CHD6: variants seen among roughly 807,000 people sequenced by gnomAD.
CHD6 encodes chromodomain helicase DNA binding protein 6, also known as ATP-dependent chromatin remodeler CHD6.
Under a neutral mutation model 276.9 loss-of-function variants are expected in CHD6, and 50 were observed. That is an observed-to-expected ratio of 0.18 (90% CI 0.14 to 0.23). The LOEUF (loss-of-function observed/expected upper bound fraction) is 0.23, where lower values mean the gene tolerates loss of function less well. CHD6 is among the 10% of genes least tolerant of loss of function. CHD6 has a pLI of 1.00. For missense variants in CHD6, 2,564 were observed against 3,365.8 expected, an observed-to-expected ratio of 0.76 and a Z score of 5.89; for synonymous variants, 1,173 against 1,229.3, an observed-to-expected ratio of 0.95 and a Z score of 0.96.
intron 1 of CHD6, among the ~76,000 whole-genome samples, chr20:41,577,210 C>T (rs1055243212): frequency 6.6e-5 from 10 of 152,110 alleles, no homozygotes; most frequent in South Asian, 2.1e-4. Context: ...GACTTGTGGC[C>T]GCTATTTATC....
intron 23 of CHD6, among the ~76,000 whole-genome samples, chr20:41,449,455 T>C (rs542271235): frequency 6.6e-6 from 1 of 152,246 alleles, no homozygotes; most frequent in Non-Finnish European, 1.5e-5. Context: ...CGTCTAACAA[T>C]ATCTGCAGCA....
intron 1 of CHD6, among the ~76,000 whole-genome samples, chr20:41,578,882 T>C (rs963322728): frequency 6.7e-6 from 1 of 148,416 alleles, no homozygotes. Context: ...AAAAAAAATC[T>C]ACTTTGGGAG....
intron 2 of CHD6, among the ~76,000 whole-genome samples, chr20:41,548,743 C>T (rs541364784): frequency 1.4e-4 from 21 of 152,170 alleles, no homozygotes; most frequent in African/African-American, 4.6e-4. Context: ...GCAACCTACT[C>T]ATCTGACAAA....
At chr20:41,499,515 A>G (rs1362327443) in intron 5 of CHD6, among the ~76,000 whole-genome samples, 158 bp from the exon 6 acceptor site, 2 of 152,366 alleles carry the variant, frequency 1.3e-5, no homozygotes, top group East Asian at 1.9e-4. Context: ...AAAGGTCACA[A>G]GCATTTTGCA....
chr20:41,546,426 T>A (rs1186412088), intron 2 of CHD6, among the ~76,000 whole-genome samples: 1 of 152,226 alleles, frequency 6.6e-6, no homozygotes, highest in Non-Finnish European at 1.5e-5. Flanking sequence ...TCATTGCTTA[T>A]TAACTGTCTT....
At chr20:41,472,707 T>C (rs2043082878) in intron 17 of CHD6, among the ~76,000 whole-genome samples, 1 of 152,224 alleles carries the variant, frequency 6.6e-6, no homozygotes, top group African/African-American at 2.4e-5. Flanking sequence ...TTCTTGCTTG[T>C]TTATGTTAGC....
At chr20:41,601,761 C>T (rs1243720966) in intron 1 of CHD6, among the ~76,000 whole-genome samples, 2 of 152,238 alleles carry the variant, frequency 1.3e-5, no homozygotes, top group Non-Finnish European at 2.9e-5. Flanking sequence ...CCCAAAATTT[C>T]ATGTGGTGTT....
chr20:41,503,344 T>C (rs1284460220), intron 5 of CHD6, among the ~76,000 whole-genome samples: 1 of 152,236 alleles, frequency 6.6e-6, no homozygotes, highest in Non-Finnish European at 1.5e-5. Context: ...TTCAATTTTC[T>C]ACATATGCAG....
intron 2 of CHD6, among the ~76,000 whole-genome samples, chr20:41,536,808 T>C (rs2044841667): frequency 1.3e-5 from 2 of 152,196 alleles, no homozygotes; most frequent in Admixed American, 6.5e-5. Flanking sequence ...CTGACAATCA[T>C]TGCCTATAAG....
At position 41,421,070 on chromosome 20, in the gene CHD6, A is replaced by G. The variant is rs757283918; in HGVS notation, c.5565T>C (p.Ser1855=). 2 of 1,613,818 alleles carry G rather than the reference A, an allele frequency of 1.2e-6. No individual in the cohort carries two copies. The highest frequency in any genetic ancestry group is 2.2e-5 in the South Asian group (2 of 90,940). The part of the protein sequence containing the change: ...IDLLENKSLE[S]KLILSQNHSD... ...TGTGGTTCTGACTCAAAATCAATTT[A>G]CTTTCTAAGCTTTTGTTTTCCAATA... Residue 1855 remains serine, a synonymous_variant, in exon 31 of 37, where the codon AGT becomes AGC. Transcript: ENST00000373233.
chr20:41,475,405 G>A (rs994225593), intron 16 of CHD6, among the ~76,000 whole-genome samples: 2 of 152,190 alleles, frequency 1.3e-5, no homozygotes, highest in Non-Finnish European at 2.9e-5. Flanking sequence ...TTTCAATGCA[G>A]TAGGACAGAA....
intron 2 of CHD6, among the ~76,000 whole-genome samples, chr20:41,536,826 C>T (rs2044841982): frequency 6.6e-6 from 1 of 152,172 alleles, no homozygotes; most frequent in Non-Finnish European, 1.5e-5. Flanking sequence ...AAGCTGCTTC[C>T]AAGCTAGTAC....
rs1346825668 is a variant in CHD6 at position 41,452,986 on chromosome 20, T to C, written c.3121-44A>G. Reference sequence around the variant, plus strand: ...ACTGGGAAGAAAGTCCTCTTTTCTCTACTCCTTTCACAAAGCATAAGTGTA... The same window carrying C: ...ACTGGGAAGAAAGTCCTCTTTTCTCCACTCCTTTCACAAAGCATAAGTGTA... On this transcript the variant is annotated intron_variant, in intron 20 of 36. Transcript: ENST00000373233. This position sits in a 1 kb window ranked among gnomAD's most constrained non-coding sequence, Gnocchi z 4.2. The C allele has an allele frequency of 6.8e-7, 1 of 1,463,188 alleles. No individual in the cohort carries two copies. Among genetic ancestry groups the C allele is most frequent in the African/African-American group, 1.4e-5 (1 of 71,826 alleles). The allele number at this position is 1,463,188 out of a possible 1,614,324, so 90.6% of individuals were successfully genotyped here. A position where few individuals can be genotyped will look rare whatever the true frequency, so the allele number is the denominator to read the frequency against.
At chr20:41,510,531 A>AT (rs1284126463) in intron 5 of CHD6, among the ~76,000 whole-genome samples, 1 of 152,106 alleles carries the variant, frequency 6.6e-6, no homozygotes, top group Non-Finnish European at 1.5e-5. Context: ...AATTTAGTAA[A>AT]TTTTTTTGAG....
chr20:41,598,719 G>C (rs549047788), intron 1 of CHD6, among the ~76,000 whole-genome samples: 1 of 152,252 alleles, frequency 6.6e-6, no homozygotes, highest in Admixed American at 6.5e-5. Flanking sequence ...GGGAAAACTT[G>C]GCATTCCTTG....
At chr20:41,486,390 G>T (rs1428221718) in intron 14 of CHD6, among the ~76,000 whole-genome samples, 1 of 152,182 alleles carries the variant, frequency 6.6e-6, no homozygotes, top group Non-Finnish European at 1.5e-5. Flanking sequence ...TGGGAGAAGA[G>T]GATGCATTTC....
At chr20:41,456,164 A>G (rs954070582) in intron 18 of CHD6, among the ~76,000 whole-genome samples, 185 bp from the exon 19 acceptor site, 1 of 152,158 alleles carries the variant, frequency 6.6e-6, no homozygotes, top group Admixed American at 6.6e-5. Context: ...GCAGGCAGAC[A>G]GTCCTCTATA....
intron 1 of CHD6, among the ~76,000 whole-genome samples, chr20:41,573,308 C>A (rs1014300737): frequency 6.6e-6 from 1 of 152,216 alleles, no homozygotes; most frequent in Non-Finnish European, 1.5e-5. Flanking sequence ...CTCGCCACTA[C>A]CTTTCATTAC....
chr20:41,600,340 A>C (rs559246667), intron 1 of CHD6, among the ~76,000 whole-genome samples: 1 of 152,356 alleles, frequency 6.6e-6, no homozygotes, highest in East Asian at 1.9e-4. Flanking sequence ...GATACGAAAC[A>C]GGACATTTTG....
Sources: allele counts gnomAD v4.1 joint callset (sites outside exome capture counted in the v4.1 genomes callset), GRCh38; gene constraint gnomAD v4.1.1; non-coding constraint Gnocchi (gnomAD v3.1); transcripts MANE v1.5; gene names NCBI Gene and HGNC (gene_info 2026-07-23, HGNC 2026-07-21).